SFTPD: variants seen among roughly 807,000 people sequenced by gnomAD.
The protein encoded by SFTPD is pulmonary surfactant-associated protein D.
Under a neutral mutation model 34.6 loss-of-function variants are expected in SFTPD, and 18 were observed. That is an observed-to-expected ratio of 0.52 (90% confidence interval 0.36 to 0.77). SFTPD has a LOEUF of 0.77. SFTPD is among the 30% of genes least tolerant of loss of function. SFTPD has a pLI of 0.00. For missense variants in SFTPD, 433 were observed against 468.9 expected (o/e 0.92, Z 0.71); for synonymous variants, 155 against 180.9 (o/e 0.86, Z 1.15).
At chr10:79,944,143 T>C (rs1842642804) in intron 2 of SFTPD, among the ~76,000 whole-genome samples, 1 of 152,224 alleles carries the variant, frequency 6.6e-6, no homozygotes, top group South Asian at 2.1e-4. Flanking sequence ...TTTGCCTGTT[T>C]TGACTCCTAA....
intron 2 of SFTPD, 39 bp from the exon 3 acceptor site, chr10:79,942,918 G>T: frequency 7.4e-7 from 1 of 1,358,530 alleles, no homozygotes; most frequent in Non-Finnish European, 1.1e-6. Context: ...CCTGGCCCTA[G>T]ACCCAGAAAG....
chr10:79,945,606 T>G (rs547004612), intron 2 of SFTPD, among the ~76,000 whole-genome samples: 1 of 152,310 alleles, frequency 6.6e-6, no homozygotes, highest in Non-Finnish European at 1.5e-5. Flanking sequence ...CCCTTACTCA[T>G]CAGTACCTCT....
At chr10:79,982,309 TG>T in intron 1 of SFTPD, 1 of 974,400 alleles carries the variant, frequency 1.0e-6, no homozygotes, top group Non-Finnish European at 1.3e-6. Flanking sequence ...AGGTGCCCAG[TG>T]GGCACCAGCC....
chr10:79,978,463 G>A (rs1434624265), intron 1 of SFTPD, among the ~76,000 whole-genome samples: 10 of 151,856 alleles, frequency 6.6e-5, no homozygotes, highest in African/African-American at 2.4e-4. Flanking sequence ...ACCAGCATGG[G>A]CAACATGATG....
chr10:79,974,092 A>T (rs770620252), intron 1 of SFTPD, among the ~76,000 whole-genome samples: 10 of 152,202 alleles, frequency 6.6e-5, no homozygotes, highest in African/African-American at 2.4e-5. Context: ...AAGCTGAAAA[A>T]TTTATTTGAC....
intron 1 of SFTPD, among the ~76,000 whole-genome samples, chr10:79,960,799 A>G (rs1483878049): frequency 6.6e-6 from 1 of 152,234 alleles, no homozygotes; most frequent in African/African-American, 2.4e-5. Context: ...AAACTACTTT[A>G]AAGTTCATAT....
intron 1 of SFTPD, among the ~76,000 whole-genome samples, chr10:79,976,171 T>C (rs1277612640): frequency 1.3e-5 from 2 of 152,180 alleles, no homozygotes; most frequent in Non-Finnish European, 1.5e-5. Flanking sequence ...GGCAAAAGAA[T>C]CAAAGTGATG....
chr10:79,941,996 C>T lies in SFTPD; in HGVS notation c.508G>A (p.Val170Ile). Residue 170 changes from valine to isoleucine, a missense_variant, in exon 5 of 8, where the codon GTC becomes ATC. Val to Ile is a conservative substitution (Grantham distance 29). Coordinates refer to ENST00000372292, the MANE Select transcript of SFTPD (RefSeq NM_003019.5). ...CCAGGGACTCCACGCTCACCAGGGA[C>T]ACCTCGCTCTCCCTTAGGGCCTGCG... ...GLAGPKGERG[V>I]PGERGVPGNT... 2 of 1,613,876 alleles carry T rather than the reference C, an allele frequency of 1.2e-6. No homozygotes were observed. Among genetic ancestry groups the T allele is most frequent in the South Asian group, 2.2e-5 (2 of 91,072 alleles).
Position 79,946,549 on chromosome 10 carries a change from C to T in SFTPD, c.111G>A (p.Leu37=), listed in dbSNP as rs1218430631. 6 of 1,614,080 alleles carry T rather than the reference C, an allele frequency of 3.7e-6. No homozygotes were observed. The African/African-American group carries it at 6.7e-5, about 18-fold the overall frequency. ...CACTCTCCACTGAGCTACACATGAC[C>T]AGGGTGCAAGCACTGGGCATTGTTC... ...SHRTMPSACT[L]VMCSSVESGL... Residue 37 remains leucine (L), a synonymous_variant, in exon 2 of 8, where the codon CTG becomes CTA. Transcript: ENST00000372292.
chr10:79,982,058 CG>C, intron 1 of SFTPD: 2 of 296,846 alleles, frequency 6.7e-6, no homozygotes, highest in South Asian at 6.6e-5. Flanking sequence ...CCTGGACGTG[CG>C]GGGGGTCTCT....
chr10:79,939,076 C>T (rs1023932725), intron 7 of SFTPD, among the ~76,000 whole-genome samples: 1 of 151,842 alleles, frequency 6.6e-6, no homozygotes, highest in Non-Finnish European at 1.5e-5. Context: ...AATGAGGGCT[C>T]ACTTCACAAA....
In SFTPD at chr10:79,960,401, G is replaced by A. The variant is rs1181132038; in HGVS notation, c.37-13739C>T. Among the ~76,000 whole-genome samples, 475 of 151,172 alleles carry A rather than the reference G, an allele frequency of 3.1e-3. 2 individuals carry two copies. The highest frequency in any genetic ancestry group is 0.011 in the African/African-American group (442 of 40,960). On this transcript the variant is annotated intron_variant, in intron 1 of 5. Transcript: ENST00000444384. ...GATTGTATATCTAGAAAACCCCATC[G>A]TCTCAGCCCAAAATCTCCTTAAGCT...
At chr10:79,943,031 G>C (rs1842629827) in intron 2 of SFTPD, 152 bp from the exon 3 acceptor site, 1 of 607,024 alleles carries the variant, frequency 1.6e-6, no homozygotes, top group African/African-American at 1.8e-5. Flanking sequence ...TCCAGGAAAT[G>C]GGTATCAACA....
rs141746653 is a variant in SFTPD, at chr10:79,945,434, G to A, written c.199+1027C>T. Reference sequence around the variant, plus strand: ...CCACAAAGCCTGGGGATATTGCTTCGTCTTTCCAGAAAGTTAAAGACTGTA... The same window carrying A: ...CCACAAAGCCTGGGGATATTGCTTCATCTTTCCAGAAAGTTAAAGACTGTA... On this transcript the variant is annotated intron_variant, in intron 2 of 7. Coordinates refer to ENST00000372292, the MANE Select transcript of SFTPD (RefSeq NM_003019.5). 7.6e-3 allele frequency among the ~76,000 whole-genome samples: 1,162 copies of A among 152,236 alleles called. 10 individuals carry two copies. The highest frequency in any genetic ancestry group is 0.01 in the Non-Finnish European group (709 of 68,014).
chr10:79,976,998 C>T (rs9651447), intron 1 of SFTPD, among the ~76,000 whole-genome samples: 9,031 of 152,232 alleles, frequency 0.059, 591 homozygotes, highest in East Asian at 0.39. Flanking sequence ...GTAAGAAGTG[C>T]CTTTCTCCTC....
intron 7 of SFTPD, among the ~76,000 whole-genome samples, chr10:79,940,153 G>A (rs1842596484): frequency 6.6e-6 from 1 of 152,244 alleles, no homozygotes; most frequent in African/African-American, 2.4e-5. Flanking sequence ...TCCCAGAACA[G>A]TATCTGGTTT....
intron 1 of SFTPD, chr10:79,968,402 G>A (rs1022544920): frequency 6.6e-6 from 1 of 152,102 alleles, no homozygotes; most frequent in Admixed American, 6.6e-5. Context: ...ATTTACCAGT[G>A]AGAACATGCA....
At chr10:79,947,620 G>C (rs1842678282) in intron 1 of SFTPD, among the ~76,000 whole-genome samples, 1 of 152,160 alleles carries the variant, frequency 6.6e-6, no homozygotes, top group Non-Finnish European at 1.5e-5. Context: ...AACCCGGGAG[G>C]TGGAGGGTGC....
chr10:79,970,097 C>T (rs75024979), intron 1 of SFTPD: 2 of 152,104 alleles, frequency 1.3e-5, no homozygotes, highest in East Asian at 3.9e-4. Context: ...TGCATGTGGA[C>T]CTCCAGTTTT....
Sources: gnomAD v4.1 joint callset for allele counts (sites outside exome capture counted in the v4.1 genomes callset) on GRCh38, gnomAD v4.1.1 for gene constraint, MANE v1.5 for transcripts, NCBI Gene and HGNC (gene_info 2026-07-23, HGNC 2026-07-21) for gene names.